CAMKMT: variants seen among roughly 807,000 people sequenced by gnomAD.
CAMKMT encodes CaM KMT.
In CAMKMT, 53 loss-of-function variants were observed where a neutral mutation model predicts 48.0. The observed-to-expected ratio is 1.10, with a 90% CI of 0.89 to 1.39. The LOEUF (loss-of-function observed/expected upper bound fraction) is 1.39, where lower values mean the gene tolerates loss of function less well. Ranked by LOEUF, CAMKMT falls within the 40% of genes most tolerant of loss-of-function variation. CAMKMT has a pLI of 0.00. For missense variants in CAMKMT, 428 were observed against 402.7 expected (o/e 1.06, Z -0.54); for synonymous variants, 165 against 152.3 (o/e 1.08, Z -0.61).
chr2:44,407,055 A>G (rs1682830916), intron 3 of CAMKMT, among the ~76,000 whole-genome samples: 1 of 152,218 alleles, frequency 6.6e-6, no homozygotes. Context: ...AAAAGTGGTC[A>G]TGCCTCTTCT....
chr2:44,595,561 C>T (rs904862589), intron 3 of CAMKMT, among the ~76,000 whole-genome samples: 8 of 152,248 alleles, frequency 5.3e-5, no homozygotes, highest in African/African-American at 1.9e-4. Context: ...GTGAAAATGA[C>T]CATACTGCCC....
chr2:44,444,250 T>G (rs1230678949), intron 3 of CAMKMT, among the ~76,000 whole-genome samples: 1 of 152,184 alleles, frequency 6.6e-6, no homozygotes, highest in African/African-American at 2.4e-5. Flanking sequence ...CTTGAGCAAT[T>G]TAGTATTTTT....
At chr2:44,474,967 CAAGAA>C (rs1668612405) in intron 3 of CAMKMT, among the ~76,000 whole-genome samples, 1 of 152,076 alleles carries the variant, frequency 6.6e-6, no homozygotes, top group Non-Finnish European at 1.5e-5. Context: ...ACAAGAATGA[CAAGAA>C]AAGACCTGAG....
intron 3 of CAMKMT, among the ~76,000 whole-genome samples, chr2:44,410,557 G>A (rs1273267865): frequency 6.6e-6 from 1 of 151,886 alleles, no homozygotes; most frequent in African/African-American, 2.4e-5. Context: ...AAATTGAGAG[G>A]TACAATCAAC....
At chr2:44,519,152 G>C (rs1027816211) in intron 3 of CAMKMT, among the ~76,000 whole-genome samples, 1 of 152,206 alleles carries the variant, frequency 6.6e-6, no homozygotes, top group Non-Finnish European at 1.5e-5. Context: ...GCATAATAGA[G>C]TGCTAGCAAA....
intron 3 of CAMKMT, among the ~76,000 whole-genome samples, chr2:44,574,167 A>G (rs1040385973): frequency 2.0e-5 from 3 of 152,230 alleles, no homozygotes; most frequent in Non-Finnish European, 4.4e-5. Context: ...AGACTTATAT[A>G]TCCCTAGAAA....
In CAMKMT at chr2:44,706,352, T is replaced by G; in HGVS notation, c.492+11T>G. ...TTGGCTGGGCTCATGGTAGGTCTTT[T>G]CTCCATTCCAATCCCATTCAGAGGG... On this transcript the variant is annotated intron_variant, in intron 5 of 10. Transcript: ENST00000378494. The G allele has an allele frequency of 6.2e-7, 1 of 1,612,980 alleles. No individual in the cohort carries two copies. The highest frequency in any genetic ancestry group is 8.5e-7 in the Non-Finnish European group (1 of 1,179,220).
At chr2:44,392,257 T>C (rs979175428) in intron 3 of CAMKMT, among the ~76,000 whole-genome samples, 1 of 152,130 alleles carries the variant, frequency 6.6e-6, no homozygotes, top group African/African-American at 2.4e-5. Context: ...AACCTGGATA[T>C]ATTGCTGAGT....
intron 3 of CAMKMT, among the ~76,000 whole-genome samples, chr2:44,422,523 G>A (rs1684000741): frequency 6.6e-6 from 1 of 152,114 alleles, no homozygotes; most frequent in South Asian, 2.1e-4. Flanking sequence ...TTGTATGGAT[G>A]CTCCTCTCAG....
chr2:44,676,548 T>A (rs2104155702), intron 3 of CAMKMT: 1 of 152,400 alleles, frequency 6.6e-6, no homozygotes, highest in Middle Eastern at 3.4e-3. Context: ...CCGTAAATCC[T>A]AAAGTCAGTC....
chr2:44,736,399 T>C (rs769726427), intron 7 of CAMKMT, among the ~76,000 whole-genome samples: 1 of 152,248 alleles, frequency 6.6e-6, no homozygotes, highest in Non-Finnish European at 1.5e-5. Context: ...TCCTTATCTT[T>C]GTTTTTATAT....
chr2:44,371,395 A>G (rs1349659901), intron 1 of CAMKMT, among the ~76,000 whole-genome samples: 1 of 152,228 alleles, frequency 6.6e-6, no homozygotes, highest in Non-Finnish European at 1.5e-5. Flanking sequence ...TTAGGATTAC[A>G]GACATGAGCC....
At chr2:44,439,763 G>A (rs577318844) in intron 3 of CAMKMT, among the ~76,000 whole-genome samples, 3 of 151,458 alleles carry the variant, frequency 2.0e-5, no homozygotes, top group East Asian at 1.9e-4. Context: ...GCATGAACCC[G>A]GGAGAGCAAG....
intron 9 of CAMKMT, among the ~76,000 whole-genome samples, chr2:44,756,721 G>T (rs555740595): frequency 6.8e-6 from 1 of 146,368 alleles, no homozygotes; most frequent in South Asian, 2.2e-4. Flanking sequence ...TGGCCTGGGC[G>T]ACAGAGCAAG....
chr2:44,536,812 T>C (rs906771050), intron 3 of CAMKMT, among the ~76,000 whole-genome samples: 1 of 151,990 alleles, frequency 6.6e-6, no homozygotes, highest in African/African-American at 2.4e-5. Context: ...GTATAAAAAT[T>C]GACGTATAGA....
At chr2:44,501,526 C>A in intron 3 of CAMKMT, among the ~76,000 whole-genome samples, 1 of 152,184 alleles carries the variant, frequency 6.6e-6, no homozygotes, top group East Asian at 1.9e-4. Flanking sequence ...AGTTGCCTAT[C>A]TCCTATCTCC....
rs1460240624 is a variant in CAMKMT at position 44,588,338 on chromosome 2, C to A, written c.377-115945C>A. 1.0e-4 allele frequency among the ~76,000 whole-genome samples: 9 copies of A among 88,696 alleles called. No homozygotes were observed. In the South Asian group the frequency reaches 3.9e-3, roughly 38 times the overall value. 58.2% of individuals were successfully genotyped at this position (88,696 alleles called of 152,430 possible). On this transcript the variant is annotated intron_variant, in intron 3 of 10. Coordinates refer to ENST00000378494, the MANE Select transcript of CAMKMT (RefSeq NM_024766.5). ...TCAGCCCCCCGCCCGGCCAGCCGCC[C>A]CGTCCGGGAGGGGAGGGGCTCCTCT...
intron 3 of CAMKMT, among the ~76,000 whole-genome samples, chr2:44,567,344 A>G (rs760811198): frequency 3.3e-5 from 5 of 152,134 alleles, no homozygotes; most frequent in African/African-American, 4.8e-5. Context: ...ACCACAGAGC[A>G]GTGGGTGATC....
intron 7 of CAMKMT, among the ~76,000 whole-genome samples, chr2:44,738,909 A>C (rs566604365): frequency 6.6e-6 from 1 of 152,298 alleles, no homozygotes; most frequent in East Asian, 1.9e-4. Flanking sequence ...GTAGCTATAG[A>C]GATATCTGGA....
Sources: allele counts gnomAD v4.1 joint callset (sites outside exome capture counted in the v4.1 genomes callset), GRCh38; gene constraint gnomAD v4.1.1; transcripts MANE v1.5; gene names NCBI Gene and HGNC (gene_info 2026-07-23, HGNC 2026-07-21).